The following DLGAP2 variants were observed in gnomAD, a reference collection of about 807,000 sequenced individuals.
The protein encoded by DLGAP2 is DLG associated protein 2.
In DLGAP2, 26 loss-of-function variants were observed where a neutral mutation model predicts 100.3. That is an observed-to-expected ratio of 0.26 (90% CI 0.19 to 0.36). DLGAP2 has a LOEUF of 0.36. DLGAP2 is among the 10% of genes least tolerant of loss of function. DLGAP2 has a pLI of 1.00. For synonymous variants in DLGAP2, 886 were observed against 630.1 expected (o/e 1.41, Z -6.08); for missense variants, 1,858 against 1,453.2 (o/e 1.28, Z -4.53).
At chr8:1,051,532 A>G (rs950447213) in intron 2 of DLGAP2, among the ~76,000 whole-genome samples, 2 of 152,356 alleles carry the variant, frequency 1.3e-5, no homozygotes, top group Admixed American at 1.3e-4. Flanking sequence ...TACGCAGAGT[A>G]TTTTGTCAAA....
chr8:830,393 T>A (rs1345081601), intron 1 of DLGAP2, among the ~76,000 whole-genome samples: 1 of 152,192 alleles, frequency 6.6e-6, no homozygotes, highest in Non-Finnish European at 1.5e-5. Context: ...ATATTAGATC[T>A]TATTCATTCT....
chr8:984,372 C>T (rs1800427721), intron 2 of DLGAP2, among the ~76,000 whole-genome samples: 1 of 152,198 alleles, frequency 6.6e-6, no homozygotes, highest in Non-Finnish European at 1.5e-5. Context: ...AAAAACTTCA[C>T]TAAAAGCTTT....
intron 12 of DLGAP2, chr8:1,680,515 T>G (rs1798919094): frequency 6.6e-6 from 1 of 152,260 alleles, no homozygotes; most frequent in Admixed American, 6.5e-5. Flanking sequence ...CACATTTGTC[T>G]CTTAATCATC....
chr8:983,710 G>T (rs776107547), intron 2 of DLGAP2, among the ~76,000 whole-genome samples: 13 of 151,978 alleles, frequency 8.6e-5, no homozygotes, highest in Non-Finnish European at 1.8e-4. Flanking sequence ...TGGTGTGATC[G>T]TGGCTCACTG....
intron 6 of DLGAP2, among the ~76,000 whole-genome samples, chr8:1,623,989 C>T (rs1797425469): frequency 6.6e-6 from 1 of 152,180 alleles, no homozygotes; most frequent in Non-Finnish European, 1.5e-5. Flanking sequence ...TACATGGATC[C>T]ACCTGTGAGG....
At chr8:1,220,999 T>C (rs1798304852) in intron 2 of DLGAP2, among the ~76,000 whole-genome samples, 1 of 152,228 alleles carries the variant, frequency 6.6e-6, no homozygotes, top group Non-Finnish European at 1.5e-5. Flanking sequence ...TGTCTTCACA[T>C]GTGAGATGAG....
At chr8:973,914 C>T (rs1380590355) in intron 2 of DLGAP2, among the ~76,000 whole-genome samples, 10 of 150,070 alleles carry the variant, frequency 6.7e-5, no homozygotes, top group East Asian at 3.9e-4. Context: ...CCGCCACCGC[C>T]GCCACCCCGG....
rs991974332 is a variant in DLGAP2 at position 1,702,670 on chromosome 8, G to C, written c.*1264G>C. On this transcript the variant is annotated 3_prime_UTR_variant, in exon 15 of 15. Transcript: ENST00000637795. Reference sequence around the variant, plus strand: ...CTGTGGTCGGTGCCAGAGGAAAATAGGAACGACTCTAATTAATAGGCTTTC... The same window carrying C: ...CTGTGGTCGGTGCCAGAGGAAAATACGAACGACTCTAATTAATAGGCTTTC... The C allele has an allele frequency of 3.9e-5, 6 of 152,230 alleles. No individual in the cohort carries two copies. The highest frequency in any genetic ancestry group is 1.4e-4 in the African/African-American group (6 of 41,436). 9.4% of individuals were successfully genotyped at this position (152,230 alleles called of 1,614,324 possible). A position where few individuals can be genotyped will look rare whatever the true frequency, so the allele number is the denominator to read the frequency against.
At chr8:969,776 G>A (rs1799969182) in intron 2 of DLGAP2, among the ~76,000 whole-genome samples, 1 of 152,114 alleles carries the variant, frequency 6.6e-6, no homozygotes, top group Non-Finnish European at 1.5e-5. Flanking sequence ...TACACAGTGG[G>A]AATCAGCAGA....
At chr8:1,320,731 G>A (rs1446510925) in intron 3 of DLGAP2, among the ~76,000 whole-genome samples, 2 of 152,176 alleles carry the variant, frequency 1.3e-5, no homozygotes, top group South Asian at 2.1e-4. Flanking sequence ...CCCCAGTCAT[G>A]GCCAGACCTC....
chr8:1,363,850 G>A (rs1024688472), intron 3 of DLGAP2, among the ~76,000 whole-genome samples: 1 of 152,048 alleles, frequency 6.6e-6, no homozygotes, highest in Non-Finnish European at 1.5e-5. Flanking sequence ...CCTGGCCTTG[G>A]CCTGCCACGT....
At chr8:1,297,837 CAG>C (rs1800225153) in intron 3 of DLGAP2, among the ~76,000 whole-genome samples, 1 of 58,694 alleles carries the variant, frequency 1.7e-5, no homozygotes, top group Non-Finnish European at 3.1e-5. Flanking sequence ...CCACGTGAGA[CAG>C]GGAGGAGAAA....
rs142893857 is a variant in DLGAP2, at chr8:761,065, G to A, written c.18+23240G>A. On this transcript the variant is annotated intron_variant, in intron 1 of 14. Coordinates refer to ENST00000637795, the MANE Select transcript of DLGAP2 (RefSeq NM_001346810.2). ...CTAGCATCGAGTGTTTGCCTGTGCCGGGCGCCGTTCTGAACCATTCGCTCT... is the reference window on the plus strand; with the variant it reads ...CTAGCATCGAGTGTTTGCCTGTGCCAGGCGCCGTTCTGAACCATTCGCTCT... 1.7e-3 allele frequency among the ~76,000 whole-genome samples: 256 copies of A among 152,304 alleles called. 2 individuals carry two copies. The highest frequency in any genetic ancestry group is 5.9e-3 in the African/African-American group (244 of 41,562).
chr8:1,367,534 G>A (rs528105838), intron 3 of DLGAP2, among the ~76,000 whole-genome samples: 4 of 152,326 alleles, frequency 2.6e-5, no homozygotes, highest in African/African-American at 4.8e-5. Context: ...GCTGGGGGCC[G>A]CAGAGGACAG....
rs142972034 is a variant in DLGAP2, at chr8:1,341,905, A to G, written c.106+83022A>G. 2.5e-3 allele frequency among the ~76,000 whole-genome samples: 374 copies of G among 152,204 alleles called. 4 individuals are homozygous for G. The highest frequency in any genetic ancestry group is 0.014 in the South Asian group (69 of 4,818). On this transcript the variant is annotated intron_variant, in intron 3 of 14. Transcript: ENST00000637795. Reference sequence around the variant, plus strand: ...GGGATTCTAGCCTGCGGGTGAAGCAATTGAGGTCTGAGGTTTTGTTTTGTT... The same window carrying G: ...GGGATTCTAGCCTGCGGGTGAAGCAGTTGAGGTCTGAGGTTTTGTTTTGTT...
intron 6 of DLGAP2, among the ~76,000 whole-genome samples, chr8:1,577,489 A>G (rs1018656585): frequency 1.4e-5 from 2 of 144,810 alleles, no homozygotes; most frequent in Non-Finnish European, 3.0e-5. Flanking sequence ...AATCACTTGA[A>G]CCCGGGAGGC....
chr8:807,017 C>T (rs1796283705), intron 1 of DLGAP2, among the ~76,000 whole-genome samples: 1 of 152,200 alleles, frequency 6.6e-6, no homozygotes, highest in Non-Finnish European at 1.5e-5. Context: ...GAATCTCCTA[C>T]CTGGGACAGA....
chr8:1,308,026 A>G (rs576499313), intron 3 of DLGAP2, among the ~76,000 whole-genome samples: 2 of 152,294 alleles, frequency 1.3e-5, no homozygotes, highest in African/African-American at 4.8e-5. Context: ...CCGTTTTTCC[A>G]AAAAGAACCC....
chr8:815,342 T>C (rs1464385623), intron 1 of DLGAP2, among the ~76,000 whole-genome samples: 1 of 152,182 alleles, frequency 6.6e-6, no homozygotes, highest in Non-Finnish European at 1.5e-5. Context: ...CAAGCCTTTT[T>C]AGGAGGGCCT....
Sources: allele counts gnomAD v4.1 joint callset (sites outside exome capture counted in the v4.1 genomes callset), GRCh38; gene constraint gnomAD v4.1.1; transcripts MANE v1.5; gene names NCBI Gene and HGNC (gene_info 2026-07-23, HGNC 2026-07-21).